ADARB2: variants seen among roughly 807,000 people sequenced by gnomAD.
ADARB2 encodes adenosine deaminase RNA specific B2 (inactive).
Under a neutral mutation model 62.2 loss-of-function variants are expected in ADARB2, and 25 were observed. That is an observed-to-expected ratio of 0.40 (90% CI 0.29 to 0.56). The LOEUF (loss-of-function observed/expected upper bound fraction) is 0.56, where lower values mean the gene tolerates loss of function less well. ADARB2 is among the 20% of genes least tolerant of loss of function. The pLI, the probability that ADARB2 is intolerant of heterozygous loss-of-function variation, is 0.43. For synonymous variants in ADARB2, 572 were observed against 500.8 expected, an observed-to-expected ratio of 1.14 and a Z score of -1.90; for missense variants, 1,071 against 1,077.4, an observed-to-expected ratio of 0.99 and a Z score of 0.08.
At chr10:1,461,917 G>A (rs1431631958) in intron 1 of ADARB2, among the ~76,000 whole-genome samples, 2 of 152,124 alleles carry the variant, frequency 1.3e-5, no homozygotes, top group Non-Finnish European at 2.9e-5. Flanking sequence ...CAGGAGAATC[G>A]CTTGAACTGG....
In ADARB2 at chr10:1,267,693, C is replaced by T. The variant is rs1295451773; in HGVS notation, c.1192+3262G>A. Among the ~76,000 whole-genome samples the T allele has an allele frequency of 2.0e-5, 3 of 152,288 alleles. No homozygotes were observed. In the East Asian group the frequency reaches 5.8e-4, roughly 29 times the overall value. ...AAAGCGATATAAGCAAGTCTAGCAA[C>T]ACAAGTGAATCAAACTTAAACACAA... On this transcript the variant is annotated intron_variant, in intron 4 of 9. Transcript: ENST00000381312.
chr10:1,362,916 G>A (rs1012683931), intron 3 of ADARB2, 112 bp downstream of exon 3: 2 of 1,019,506 alleles, frequency 2.0e-6, no homozygotes, highest in Middle Eastern at 3.5e-4. Flanking sequence ...CCCGCTCCAC[G>A]CGGCCTCTCC....
In ADARB2 at chr10:1,588,271, G is replaced by A. The variant is rs1017864657; in HGVS notation, c.100+148780C>T. Among the ~76,000 whole-genome samples the A allele has an allele frequency of 2.6e-5, 4 of 152,186 alleles. No homozygotes were observed. The East Asian group carries it at 5.8e-4, about 22-fold the overall frequency. On this transcript the variant is annotated intron_variant, in intron 1 of 9. Transcript: ENST00000381312. ...CCAGCCCAGGCCTGAAACCCTGAAC[G>A]TATCTTCCTCTATTCCCATTTTGAG...
At chr10:1,526,854 G>A (rs1588288250) in intron 1 of ADARB2, 2 of 514,354 alleles carry the variant, frequency 3.9e-6, no homozygotes, top group East Asian at 5.8e-5. Context: ...GCGGGCACAG[G>A]CAGCCACTTC....
chr10:1,736,210 T>A (rs1310940778), intron 1 of ADARB2, among the ~76,000 whole-genome samples: 1 of 152,190 alleles, frequency 6.6e-6, no homozygotes, highest in Admixed American at 6.5e-5. Flanking sequence ...ATCTTTTAAT[T>A]CTTCCTGGCA....
chr10:1,261,509 CAAAAG>C (rs1342211210), intron 4 of ADARB2, among the ~76,000 whole-genome samples: 1 of 150,336 alleles, frequency 6.7e-6, no homozygotes, highest in African/African-American at 2.5e-5. Context: ...AGACACTTCT[CAAAAG>C]AAGACATTTA....
rs574076272 is a variant in ADARB2, at chr10:1,517,184, C to T, written c.101-138024G>A. Among the ~76,000 whole-genome samples the T allele has an allele frequency of 9.2e-5, 14 of 152,050 alleles. 1 individual carries two copies. In the South Asian group the frequency reaches 1.2e-3, roughly 14 times the overall value. The stretch of plus-strand genomic sequence containing the variant: ...TGGCCCCTGAAAGTAACTCTTGCAT[C>T]GTGCCTTCCTTTTTTGGAAAAGGGC... On this transcript the variant is annotated intron_variant, in intron 1 of 9. Coordinates refer to ENST00000381312, the MANE Select transcript of ADARB2 (RefSeq NM_018702.4).
At chr10:1,660,641 G>T (rs554988749) in intron 1 of ADARB2, among the ~76,000 whole-genome samples, 3 of 152,296 alleles carry the variant, frequency 2.0e-5, no homozygotes, top group Admixed American at 1.3e-4. Flanking sequence ...GATGTTTCCT[G>T]TTGGGACCCC....
chr10:1,429,154 T>A (rs1169001359), intron 1 of ADARB2, among the ~76,000 whole-genome samples: 1 of 152,238 alleles, frequency 6.6e-6, no homozygotes, highest in African/African-American at 2.4e-5. Context: ...GTATGAGGTA[T>A]GTGGGCACTT....
intron 3 of ADARB2, among the ~76,000 whole-genome samples, chr10:1,351,231 G>A (rs964403864): frequency 6.6e-6 from 1 of 152,150 alleles, no homozygotes; most frequent in Non-Finnish European, 1.5e-5. Flanking sequence ...GACGCTGCCC[G>A]ATCACCTCAG....
intron 1 of ADARB2, among the ~76,000 whole-genome samples, chr10:1,400,999 C>T (rs958295046): frequency 2.6e-5 from 4 of 152,162 alleles, no homozygotes; most frequent in East Asian, 1.9e-4. Flanking sequence ...GAACCTTAAC[C>T]GCTGGGGCCC....
chr10:1,572,470 G>A (rs183775812), intron 1 of ADARB2, among the ~76,000 whole-genome samples: 129 of 152,178 alleles, frequency 8.5e-4, no homozygotes, highest in Non-Finnish European at 1.4e-3. Flanking sequence ...GCCCTTTCTC[G>A]TCCATCTGAA....
At chr10:1,529,791 G>A (rs1832200398) in intron 1 of ADARB2, among the ~76,000 whole-genome samples, 1 of 152,200 alleles carries the variant, frequency 6.6e-6, no homozygotes, top group Non-Finnish European at 1.5e-5. Context: ...CAGAGTTCAG[G>A]GGCACGCGCA....
rs575991705 is a variant in ADARB2, at chr10:1,416,178, A to G, written c.101-37018T>C. ...ACTGGTCTGTGAATCACATGAACAT[A>G]TGCGGTTCATATTCATAAACACTTA... On this transcript the variant is annotated intron_variant, in intron 1 of 9. Transcript: ENST00000381312. Among the ~76,000 whole-genome samples the G allele has an allele frequency of 2.6e-5, 4 of 152,378 alleles. No homozygotes were observed. In the East Asian group the frequency reaches 7.7e-4, roughly 29 times the overall value.
At chr10:1,506,421 C>T (rs1455301567) in intron 1 of ADARB2, among the ~76,000 whole-genome samples, 2 of 152,188 alleles carry the variant, frequency 1.3e-5, no homozygotes, top group South Asian at 2.1e-4. Context: ...TCCCCCACTA[C>T]GGTATTTGCA....
At chr10:1,350,111 G>T (rs1832121875) in intron 3 of ADARB2, among the ~76,000 whole-genome samples, 1 of 152,104 alleles carries the variant, frequency 6.6e-6, no homozygotes, top group African/African-American at 2.4e-5. Context: ...CTTGGCCCCA[G>T]TACAAACTTG....
At chr10:1,201,042 C>T (rs899141291) in intron 7 of ADARB2, among the ~76,000 whole-genome samples, 2 of 152,174 alleles carry the variant, frequency 1.3e-5, no homozygotes, top group Admixed American at 1.3e-4. Context: ...CATTAATTAC[C>T]GAATCTACCT....
chr10:1,262,287 T>TATAACAATAATAATA (rs1831146908), intron 4 of ADARB2, among the ~76,000 whole-genome samples: 2 of 135,780 alleles, frequency 1.5e-5, no homozygotes, highest in East Asian at 4.2e-4. Flanking sequence ...AAACTTAAAG[T>TATAACAATAATAATA]ATAATAATAA....
chr10:1,702,568 G>T (rs1056213251), intron 1 of ADARB2, among the ~76,000 whole-genome samples: 9 of 152,142 alleles, frequency 5.9e-5, no homozygotes, highest in African/African-American at 2.2e-4. Context: ...AATCCAGATT[G>T]TCCAAGCGAT....
Sources: allele counts gnomAD v4.1 joint callset (sites outside exome capture counted in the v4.1 genomes callset), GRCh38; gene constraint gnomAD v4.1.1; transcripts MANE v1.5; gene names NCBI Gene and HGNC (gene_info 2026-07-23, HGNC 2026-07-21).